CALN1: variants seen among roughly 807,000 people sequenced by gnomAD.
The protein encoded by CALN1 is calcium-binding protein 8.
Under a neutral mutation model 30.6 loss-of-function variants are expected in CALN1, and 17 were observed. That is an observed-to-expected ratio of 0.56 (90% CI 0.38 to 0.83). CALN1 has a LOEUF of 0.83. Among genes scored for constraint, CALN1 ranks in the 40% least tolerant of loss-of-function variants. The pLI is 0.00. For synonymous variants in CALN1, 156 were observed against 131.4 expected (o/e 1.19, Z -1.28); for missense variants, 291 against 354.9 (o/e 0.82, Z 1.45).
intron 3 of CALN1, among the ~76,000 whole-genome samples, chr7:72,264,669 T>G (rs1395666871): frequency 1.3e-5 from 2 of 152,080 alleles, no homozygotes; most frequent in Non-Finnish European, 2.9e-5. Flanking sequence ...ACCCAGCTGA[T>G]TTTTTGTGGT....
At chr7:71,850,448 C>T (rs909823212) in intron 5 of CALN1, among the ~76,000 whole-genome samples, 2 of 152,140 alleles carry the variant, frequency 1.3e-5, no homozygotes, top group African/African-American at 4.8e-5. Flanking sequence ...GAACTCCTGA[C>T]CTCAGATGAT....
intron 5 of CALN1, among the ~76,000 whole-genome samples, chr7:71,901,774 G>A (rs1221244007): frequency 1.3e-5 from 2 of 152,026 alleles, no homozygotes; most frequent in Non-Finnish European, 2.9e-5. Flanking sequence ...ACTCAAGATC[G>A]ATTAAAGACT....
intron 5 of CALN1, among the ~76,000 whole-genome samples, chr7:71,831,883 A>AAAC (rs1789301286): frequency 6.7e-6 from 1 of 149,484 alleles, no homozygotes; most frequent in Non-Finnish European, 1.5e-5. Flanking sequence ...AAAAAAAAAA[A>AAAC]AAAAAAAAAA....
chr7:72,066,171 T>C (rs796765874), intron 4 of CALN1, among the ~76,000 whole-genome samples: 11 of 152,334 alleles, frequency 7.2e-5, no homozygotes, highest in African/African-American at 2.6e-4. Flanking sequence ...CTAAATCTCA[T>C]CGTGTTGGAT....
intron 2 of CALN1, among the ~76,000 whole-genome samples, chr7:72,334,192 C>A (rs537478507): frequency 2.0e-5 from 3 of 152,268 alleles, no homozygotes; most frequent in African/African-American, 7.2e-5. Flanking sequence ...AGAGGGTCTC[C>A]GAAGGCTTTA....
At chr7:72,424,507 A>G (rs1807735228) in intron 1 of CALN1, among the ~76,000 whole-genome samples, 1 of 152,198 alleles carries the variant, frequency 6.6e-6, no homozygotes, top group Non-Finnish European at 1.5e-5. Flanking sequence ...ACCATCTCAT[A>G]CCCCAAACCA....
intron 5 of CALN1, among the ~76,000 whole-genome samples, chr7:72,008,780 T>C (rs1391273555): frequency 6.6e-6 from 1 of 151,636 alleles, no homozygotes; most frequent in Non-Finnish European, 1.5e-5. Context: ...CTCAGCCTCC[T>C]ATGTAGCTGG....
chr7:72,139,232 G>A (rs2129543328), intron 3 of CALN1, among the ~76,000 whole-genome samples: 1 of 152,206 alleles, frequency 6.6e-6, no homozygotes, highest in East Asian at 1.9e-4. Context: ...TTCCAGAACT[G>A]GGCCATGTAC....
At position 72,269,079 on chromosome 7, in the gene CALN1, G is replaced by A. The variant is rs982341871; in HGVS notation, c.244+9607C>T. On this transcript the variant is annotated intron_variant, in intron 3 of 6. Coordinates refer to ENST00000395275, the MANE Select transcript of CALN1 (RefSeq NM_031468.4). ...ACCACAATTCACGTAGTAGCTGCAC[G>A]AACTAGAATCTGCAGGGTAGGACAG... Among the ~76,000 whole-genome samples, 9 of 152,268 alleles carry A rather than the reference G, an allele frequency of 5.9e-5. No individual in the cohort carries two copies. In the South Asian group the frequency reaches 6.2e-4, roughly 11 times the overall value.
intron 3 of CALN1, among the ~76,000 whole-genome samples, chr7:72,107,056 G>T (rs1563064434): frequency 6.6e-6 from 1 of 152,106 alleles, no homozygotes; most frequent in Non-Finnish European, 1.5e-5. Context: ...GAGGAAGGGA[G>T]GGAGGAGGCA....
intron 3 of CALN1, among the ~76,000 whole-genome samples, chr7:72,256,208 C>T (rs1585280839): frequency 2.0e-5 from 3 of 152,248 alleles, no homozygotes; most frequent in South Asian, 4.2e-4. Context: ...CCTATGATCC[C>T]AGCTGTTTAG....
At chr7:72,315,903 T>C (rs965579490) in intron 2 of CALN1, among the ~76,000 whole-genome samples, 4 of 151,962 alleles carry the variant, frequency 2.6e-5, no homozygotes, top group African/African-American at 4.8e-5. Context: ...TCCCAGCACT[T>C]TGGGAGGCTG....
intron 4 of CALN1, among the ~76,000 whole-genome samples, chr7:72,024,732 A>C (rs185520287): frequency 1.4e-4 from 21 of 152,152 alleles, no homozygotes; most frequent in African/African-American, 4.8e-4. Flanking sequence ...TAGGGATACC[A>C]CCTCAGCATA....
At chr7:72,274,913 A>C (rs1797240494) in intron 3 of CALN1, among the ~76,000 whole-genome samples, 2 of 152,128 alleles carry the variant, frequency 1.3e-5, no homozygotes, top group Admixed American at 1.3e-4. Flanking sequence ...TTGTGTAAAG[A>C]GAAGAAATAG....
At chr7:71,889,464 T>C (rs780981593) in intron 5 of CALN1, among the ~76,000 whole-genome samples, 3 of 152,088 alleles carry the variant, frequency 2.0e-5, no homozygotes, top group African/African-American at 4.8e-5. Context: ...CTTCCCCCCA[T>C]TTGCAAATCA....
intron 5 of CALN1, among the ~76,000 whole-genome samples, chr7:71,859,230 C>T (rs1449526274): frequency 6.6e-6 from 1 of 151,888 alleles, no homozygotes; most frequent in Non-Finnish European, 1.5e-5. Context: ...ATCTGGCTAA[C>T]TTTTGTATTT....
the CALN1 span, among the ~76,000 whole-genome samples, chr7:72,491,677 G>A: frequency 3.3e-5 from 5 of 152,154 alleles, no homozygotes; most frequent in East Asian, 9.6e-4. Flanking sequence ...TGCAAATAAA[G>A]CCCATTTCTT....
intron 2 of CALN1, among the ~76,000 whole-genome samples, chr7:72,350,779 TAAA>T (rs1160758760): frequency 3.4e-4 from 3 of 8,784 alleles, no homozygotes; most frequent in Admixed American, 2.1e-3. Context: ...GAAACAAAAG[TAAA>T]AGTTAAAAAA....
intron 2 of CALN1, among the ~76,000 whole-genome samples, chr7:72,298,261 C>A (rs1197503881): frequency 3.9e-5 from 6 of 152,194 alleles, no homozygotes; most frequent in Non-Finnish European, 7.3e-5. Context: ...TTTGACAATT[C>A]ACTTAAGAAC....
Sources: allele counts gnomAD v4.1 joint callset (sites outside exome capture counted in the v4.1 genomes callset), GRCh38; gene constraint gnomAD v4.1.1; transcripts MANE v1.5; gene names NCBI Gene and HGNC (gene_info 2026-07-23, HGNC 2026-07-21).